Variants in CDH22 observed in about 807,000 individuals in gnomAD.
CDH22 encodes the protein cadherin 22, also known as cadherin-22.
In CDH22, 30 loss-of-function variants were observed where a neutral mutation model predicts 58.4. The observed-to-expected ratio is 0.51, with a 90% CI of 0.38 to 0.70. CDH22 has a LOEUF of 0.70. Among genes scored for constraint, CDH22 ranks in the 30% least tolerant of loss-of-function variants. CDH22 has a pLI of 0.00. For missense variants in CDH22, 1,014 were observed against 1,233.9 expected (o/e 0.82, Z 2.67); for synonymous variants, 513 against 558.2 (o/e 0.92, Z 1.14).
chr20:46,178,553 C>T (rs1217344462), intron 10 of CDH22, among the ~76,000 whole-genome samples: 2 of 151,122 alleles, frequency 1.3e-5, no homozygotes, highest in African/African-American at 2.4e-5. Flanking sequence ...GATTCCGTCC[C>T]CAGCTAGGCC....
rs570116337 is a variant in CDH22 at position 46,288,669 on chromosome 20, C to T, written c.-400+19586G>A. On this transcript the variant is annotated intron_variant, in intron 1 of 11. Coordinates refer to ENST00000537909, the MANE Select transcript of CDH22 (RefSeq NM_021248.3). Reference sequence around the variant, plus strand: ...GCTCCTCTTCCAGCATTCCCCAGTTCGGTAACTGGCAACTCCATGCTTCCA... The same window carrying T: ...GCTCCTCTTCCAGCATTCCCCAGTTTGGTAACTGGCAACTCCATGCTTCCA... Among the ~76,000 whole-genome samples, 7 of 152,182 alleles carry T rather than the reference C, an allele frequency of 4.6e-5. No individual in the cohort carries two copies. In the East Asian group the frequency reaches 5.8e-4, roughly 13 times the overall value.
At chr20:46,291,341 T>G (rs1243106766) in intron 1 of CDH22, among the ~76,000 whole-genome samples, 1 of 152,164 alleles carries the variant, frequency 6.6e-6, no homozygotes, top group Non-Finnish European at 1.5e-5. Flanking sequence ...AGCTAACACT[T>G]GCATCGCACT....
intron 1 of CDH22, among the ~76,000 whole-genome samples, chr20:46,271,928 GC>G (rs1236085235): frequency 1.3e-5 from 2 of 152,140 alleles, no homozygotes; most frequent in Non-Finnish European, 2.9e-5. Flanking sequence ...GCTCTCTCAT[GC>G]CTCCACTTAG....
At chr20:46,207,952 C>T (rs1291880886) in intron 7 of CDH22, among the ~76,000 whole-genome samples, 1 of 152,224 alleles carries the variant, frequency 6.6e-6, no homozygotes, top group Non-Finnish European at 1.5e-5. Context: ...TTAGGGCTGC[C>T]ATGTAAGGTT....
At chr20:46,249,190 G>C (rs975318748) in intron 2 of CDH22, among the ~76,000 whole-genome samples, 8 of 152,280 alleles carry the variant, frequency 5.3e-5, no homozygotes, top group Admixed American at 4.6e-4. Flanking sequence ...GCAGAACCAG[G>C]CCTCAAACTC....
In CDH22 at chr20:46,174,617, C is replaced by T. The variant is rs940635947; in HGVS notation, c.2376G>A (p.Ser792=). The change falls in exon 12 of 12, where the codon TCG becomes TCA. Residue 792 remains serine (S), a synonymous_variant. Transcript: ENST00000537909. This position sits in a 1 kb window ranked among gnomAD's most constrained non-coding sequence, Gnocchi z 4.4. The part of the protein sequence containing the change: ...AASLSSLHSG[S]SGSEQDFAYL... The stretch of plus-strand genomic sequence containing the variant: ...AGGCGAAGTCCTGCTCGGAGCCCGA[C>T]GAGCCGCTGTGCAGGGAGCTGAGCG... The T allele has an allele frequency of 2.1e-5, 33 of 1,540,102 alleles. No individual in the cohort carries two copies. The African/African-American group carries it at 2.6e-4, about 12-fold the overall frequency.
At chr20:46,252,721 G>A (rs11905196) in intron 1 of CDH22, among the ~76,000 whole-genome samples, 10,269 of 152,238 alleles carry the variant, frequency 0.067, 1,032 homozygotes, top group African/African-American at 0.22. Flanking sequence ...TTGGCCAGTT[G>A]CCAGGGGCAA....
chr20:46,213,283 T>G (rs2086058316), intron 5 of CDH22, 95 bp from the exon 6 acceptor site: 1 of 837,134 alleles, frequency 1.2e-6, no homozygotes, highest in African/African-American at 1.7e-5. Context: ...CAGGTGAGCC[T>G]CTATGGAGGA....
intron 7 of CDH22, among the ~76,000 whole-genome samples, chr20:46,204,393 C>CAAAAAAAA (rs3092239): frequency 1.3e-5 from 1 of 77,276 alleles, no homozygotes; most frequent in Non-Finnish European, 2.4e-5. Context: ...GACTCTGTCT[C>CAAAAAAAA]AAAAAAAAAA....
chr20:46,244,745 G>T (rs866439530), intron 2 of CDH22, among the ~76,000 whole-genome samples: 5 of 152,192 alleles, frequency 3.3e-5, no homozygotes, highest in Non-Finnish European at 7.4e-5. Context: ...GGAAGGAGTG[G>T]GTTACTGGGT....
At chr20:46,181,763 C>CTTTCTTT (rs1568649889) in intron 10 of CDH22, among the ~76,000 whole-genome samples, 1 of 120,320 alleles carries the variant, frequency 8.3e-6, no homozygotes. Flanking sequence ...TTCTTTCTTT[C>CTTTCTTT]TTTCTTTCTT....
intron 5 of CDH22, among the ~76,000 whole-genome samples, chr20:46,213,818 C>T (rs969723399): frequency 7.2e-5 from 11 of 152,250 alleles, no homozygotes; most frequent in Admixed American, 3.9e-4. Flanking sequence ...CTAGACACTG[C>T]GGTTACAGCA....
chr20:46,294,574 C>A (rs1327000240), intron 1 of CDH22, among the ~76,000 whole-genome samples: 1 of 152,172 alleles, frequency 6.6e-6, no homozygotes, highest in Non-Finnish European at 1.5e-5. Context: ...TCACTGACAA[C>A]CCCGGGAAAT....
intron 1 of CDH22, among the ~76,000 whole-genome samples, chr20:46,280,699 T>C (rs1568682189): frequency 6.6e-6 from 1 of 152,250 alleles, no homozygotes; most frequent in African/African-American, 2.4e-5. Context: ...GATTTGAATG[T>C]CAGTTCTGTC....
intron 10 of CDH22, among the ~76,000 whole-genome samples, chr20:46,180,881 G>A (rs1476480104): frequency 6.6e-6 from 1 of 151,734 alleles, no homozygotes; most frequent in Non-Finnish European, 1.5e-5. Context: ...CTACAGGTAT[G>A]CACCACCATG....
At chr20:46,230,993 C>G (rs1488608227) in intron 3 of CDH22, among the ~76,000 whole-genome samples, 1 of 152,040 alleles carries the variant, frequency 6.6e-6, no homozygotes, top group Non-Finnish European at 1.5e-5. Context: ...ATAGGTGAGA[C>G]AGAGAGAGGG....
At chr20:46,247,054 C>CA (rs1555805077) in intron 2 of CDH22, among the ~76,000 whole-genome samples, 9 of 151,640 alleles carry the variant, frequency 5.9e-5, no homozygotes, top group South Asian at 2.1e-4. Context: ...CCTTCCCCCC[C>CA]ACTTAGTGGT....
chr20:46,196,715 C>A (rs1229763155), intron 8 of CDH22, among the ~76,000 whole-genome samples: 1 of 152,114 alleles, frequency 6.6e-6, no homozygotes, highest in Non-Finnish European at 1.5e-5. Context: ...GTTCCTCATC[C>A]CCACAGTGAA....
At chr20:46,245,195 A>G (rs558522526) in intron 2 of CDH22, among the ~76,000 whole-genome samples, 1 of 152,246 alleles carries the variant, frequency 6.6e-6, no homozygotes, top group Non-Finnish European at 1.5e-5. Flanking sequence ...CAAGAACCAC[A>G]CAGACTCAAA....
Sources: allele counts gnomAD v4.1 joint callset (sites outside exome capture counted in the v4.1 genomes callset), GRCh38; gene constraint gnomAD v4.1.1; non-coding constraint Gnocchi (gnomAD v3.1); transcripts MANE v1.5; gene names NCBI Gene and HGNC (gene_info 2026-07-23, HGNC 2026-07-21).